The following LPIN1 variants were observed in gnomAD, a reference collection of about 807,000 sequenced individuals.
LPIN1 encodes lipin 1.
In LPIN1, 71 loss-of-function variants were observed where a neutral mutation model predicts 107.5. The ratio of observed to expected loss-of-function variants is 0.66; its 90% CI spans 0.55 to 0.80. The LOEUF (loss-of-function observed/expected upper bound fraction) is 0.80. LPIN1 is among the 30% of genes least tolerant of loss of function. The probability of loss-of-function intolerance (pLI) is 0.00; values close to 1 mark genes in which losing one functional copy is unlikely to be tolerated. For synonymous variants in LPIN1, 445 were observed against 452.6 expected (o/e 0.98, Z 0.21); for missense variants, 1,043 against 1,160.6 (o/e 0.90, Z 1.47).
At chr2:11,820,586 C>CG (rs1681341925) in intron 20 of LPIN1, 72 bp downstream of exon 20, 6 of 1,115,926 alleles carry the variant, frequency 5.4e-6, no homozygotes, top group Middle Eastern at 2.0e-4. Context: ...TCCCAGTTTG[C>CG]GGTGTACCTT....
chr2:11,787,398 C>CTTTTTTTTT (rs1205272301), intron 11 of LPIN1, among the ~76,000 whole-genome samples: 28 of 64,538 alleles, frequency 4.3e-4, no homozygotes, highest in African/African-American at 1.1e-3. Flanking sequence ...TTTTCTTTTT[C>CTTTTTTTTT]TTTTTTTTTT....
rs568090953 is a variant in LPIN1 at position 11,739,934 on chromosome 2, G to A, written c.-71-1415G>A. 2.2e-3 allele frequency among the ~76,000 whole-genome samples: 334 copies of A among 152,312 alleles called. 3 individuals carry two copies. The highest frequency in any genetic ancestry group is 7.3e-3 in the African/African-American group (305 of 41,572). ...GAAACAACCAAATAAGATAGATAGAGATATAGATAAATGAGAGGGGATTTA... is the reference window on the plus strand; with the variant it reads ...GAAACAACCAAATAAGATAGATAGAAATATAGATAAATGAGAGGGGATTTA... On this transcript the variant is annotated intron_variant, in intron 1 of 21. Coordinates refer to the LPIN1 transcript ENST00000396097.
chr2:11,737,530 A>T (rs1665907805), intron 1 of LPIN1, among the ~76,000 whole-genome samples: 1 of 152,228 alleles, frequency 6.6e-6, no homozygotes, highest in African/African-American at 2.4e-5. Context: ...ACTTAAACAA[A>T]TTTACAAGAA....
chr2:11,730,087 T>G (rs1377898264), intron 1 of LPIN1, among the ~76,000 whole-genome samples: 1 of 152,156 alleles, frequency 6.6e-6, no homozygotes, highest in East Asian at 1.9e-4. Flanking sequence ...CTCTTTCTCT[T>G]CTCCTCCTTA....
chr2:11,814,198 T>C (rs1680176042), intron 17 of LPIN1, among the ~76,000 whole-genome samples: 1 of 152,124 alleles, frequency 6.6e-6, no homozygotes, highest in Non-Finnish European at 1.5e-5. Flanking sequence ...TCTGGAGTCC[T>C]GGGAGCTGAG....
intron 1 of LPIN1, among the ~76,000 whole-genome samples, chr2:11,681,278 C>T (rs1187456874): frequency 1.3e-5 from 2 of 152,170 alleles, no homozygotes; most frequent in Admixed American, 1.3e-4. Context: ...GATGTGTGTC[C>T]CCCACCCAAA....
intron 1 of LPIN1, among the ~76,000 whole-genome samples, chr2:11,689,708 A>T (rs375436173): frequency 2.0e-5 from 3 of 152,208 alleles, no homozygotes; most frequent in Non-Finnish European, 4.4e-5. Context: ...GTTCAAGATC[A>T]GCCTGGCCAA....
chr2:11,731,004 G>T (rs1354314711), intron 1 of LPIN1, among the ~76,000 whole-genome samples: 2 of 152,166 alleles, frequency 1.3e-5, no homozygotes, highest in Admixed American at 1.3e-4. Flanking sequence ...CCTGCCCTTG[G>T]TTTTCAGATG....
intron 7 of LPIN1, among the ~76,000 whole-genome samples, chr2:11,780,079 C>T (rs973647599): frequency 4.6e-5 from 7 of 152,172 alleles, no homozygotes; most frequent in African/African-American, 1.4e-4. Context: ...CGGGGTTTCA[C>T]CGTGTTGGCC....
At position 11,805,942 on chromosome 2, in the gene LPIN1, G is replaced by A. The variant is rs570583163; in HGVS notation, c.2249+786G>A. Among the ~76,000 whole-genome samples the A allele has an allele frequency of 9.9e-5, 15 of 152,104 alleles. No individual in the cohort carries two copies. The South Asian group carries it at 2.5e-3, about 25-fold the overall frequency. On this transcript the variant is annotated intron_variant, in intron 17 of 20. Coordinates refer to ENST00000674199, the MANE Select transcript of LPIN1 (RefSeq NM_001349206.2). ...CTTGCCAGGCCCAAGCCTCTCTCCC[G>A]CTCAGTCATGCCTCCTCCAGCCTTT...
chr2:11,768,153 T>G (rs751356082), intron 3 of LPIN1, among the ~76,000 whole-genome samples: 1 of 152,330 alleles, frequency 6.6e-6, no homozygotes, highest in East Asian at 1.9e-4. Context: ...GTGTATAGAT[T>G]ACATCGGTGT....
chr2:11,753,503 C>T (rs935985970), intron 1 of LPIN1, among the ~76,000 whole-genome samples: 2 of 152,208 alleles, frequency 1.3e-5, no homozygotes, highest in South Asian at 2.1e-4. Flanking sequence ...ACCACAGGGA[C>T]GCTGGTGGAC....
rs757832595 is a variant in LPIN1 at position 11,804,922 on chromosome 2, A to G, written c.2163-148A>G. Reference sequence around the variant, plus strand: ...ATTACCTGTCCCTCCGTCAGCATCAACTTTGATGACTTGAGCCTTGGGCTT... The same window carrying G: ...ATTACCTGTCCCTCCGTCAGCATCAGCTTTGATGACTTGAGCCTTGGGCTT... On this transcript the variant is annotated intron_variant, in intron 16 of 20. Transcript: ENST00000674199. 9.5e-5 allele frequency: 64 copies of G among 671,256 alleles called. No homozygotes were observed. The highest frequency in any genetic ancestry group is 1.5e-4 in the Non-Finnish European group (57 of 381,582). 41.6% of individuals were successfully genotyped at this position (671,256 alleles called of 1,614,324 possible).
chr2:11,766,794 C>A (rs1670978139), intron 2 of LPIN1, among the ~76,000 whole-genome samples: 1 of 151,858 alleles, frequency 6.6e-6, no homozygotes, highest in Non-Finnish European at 1.5e-5. Context: ...AACAAACAAA[C>A]AAAAACGCAG....
Position 11,776,176 on chromosome 2 carries a change from G to C in LPIN1, c.813G>C (p.Leu271=). The C allele has an allele frequency of 6.5e-7, 1 of 1,541,216 alleles. No individual in the cohort carries two copies. The highest frequency in any genetic ancestry group is 8.8e-7 in the Non-Finnish European group (1 of 1,140,432). Residue 271 remains leucine (L), a synonymous_variant, in exon 6 of 21, where the codon CTG becomes CTC. Coordinates refer to ENST00000674199, the MANE Select transcript of LPIN1 (RefSeq NM_001349206.2). The part of the protein sequence containing the change: ...LSSSCPPQSS[L]FHPSESPSGS... ...GTTCTTGCCCTCCACAGTCTTCCCT[G>C]TTCCATCCTTCGGAAAGGTAGAGGA... is the stretch of plus-strand genomic sequence containing the variant.
chr2:11,790,199 T>C (rs1281866690), intron 12 of LPIN1, among the ~76,000 whole-genome samples: 3 of 152,228 alleles, frequency 2.0e-5, no homozygotes, highest in Admixed American at 6.5e-5. Flanking sequence ...CAGGAAGTTA[T>C]TGAATTGGTG....
At chr2:11,802,825 G>A (rs1677995521) in intron 14 of LPIN1, 82 bp from the exon 15 acceptor site, 1 of 1,526,232 alleles carries the variant, frequency 6.6e-7, no homozygotes, top group Non-Finnish European at 9.0e-7. Flanking sequence ...GATTGACTTA[G>A]TCATTGATTA....
intron 17 of LPIN1, among the ~76,000 whole-genome samples, chr2:11,812,121 G>A (rs1460412012): frequency 6.6e-6 from 1 of 152,092 alleles, no homozygotes; most frequent in African/African-American, 2.4e-5. Flanking sequence ...ACATGTTATT[G>A]AGCAATTTTC....
In LPIN1 at chr2:11,820,487, A is replaced by G; in HGVS notation, c.2594A>G (p.Gln865Arg). The change falls in exon 20 of 21, where the codon CAG (glutamine) becomes CGG (arginine). Residue 865 changes from glutamine to arginine, a missense_variant. Transcript: ENST00000674199. Reference sequence around the variant, plus strand: ...GTCAACCCTAAAGGAGAGCTGGTACAGGAACATGCAAAGACCAACATCTCT... The same window carrying G: ...GTCAACCCTAAAGGAGAGCTGGTACGGGAACATGCAAAGACCAACATCTCT... ...FTVNPKGELV[Q>R]EHAKTNISSY... The G allele has an allele frequency of 6.2e-7, 1 of 1,613,160 alleles. No homozygotes were observed. Among genetic ancestry groups the G allele is most frequent in the Non-Finnish European group, 8.5e-7 (1 of 1,179,054 alleles).
Sources: allele counts gnomAD v4.1 joint callset (sites outside exome capture counted in the v4.1 genomes callset), GRCh38; gene constraint gnomAD v4.1.1; transcripts MANE v1.5; gene names NCBI Gene and HGNC (gene_info 2026-07-23, HGNC 2026-07-21).